The following POLD1 variants were observed in gnomAD, a reference collection of about 807,000 sequenced individuals.
POLD1 encodes the protein DNA polymerase delta catalytic subunit.
In POLD1, 79 loss-of-function variants were observed where a neutral mutation model predicts 129.7. The observed-to-expected ratio is 0.61, with a 90% confidence interval of 0.51 to 0.73. POLD1 has a LOEUF of 0.73. POLD1 is among the 30% of genes least tolerant of loss of function. The pLI, the probability that POLD1 is intolerant of heterozygous loss-of-function variation, is 0.00. For missense variants in POLD1, 1,338 were observed against 1,595.8 expected (o/e 0.84, Z 2.75); for synonymous variants, 714 against 683.3 (o/e 1.04, Z -0.70).
At position 50,417,928 on chromosome 19, in the gene POLD1, CT is replaced by C. The variant is rs1308248375; in HGVS notation, c.3306del (p.Gly1103AspfsTer21). 1 of 1,609,318 alleles carries C rather than the reference CT, an allele frequency of 6.2e-7. No individual in the cohort carries two copies. The highest frequency in any genetic ancestry group is 1.1e-5 in the South Asian group (1 of 90,232). On this transcript the variant is annotated frameshift_variant, in exon 27 of 27. Coordinates refer to ENST00000440232, the MANE Select transcript of POLD1 (RefSeq NM_002691.4). LOFTEE classifies it high-confidence loss of function. ...CAGCTCCTGCGGCGCTTCGGACCCC[CT>C]GGACCTGAGGCCTGGTGACCTTGCA... is the stretch of plus-strand genomic sequence containing the variant. ...QEQLLRRFGPPGPEAW is the reference protein window; with the variant it reads ...QEQLLRRFGPXGPEAW
intron 1 of POLD1, among the ~76,000 whole-genome samples, chr19:50,390,263 A>G (rs3219314): frequency 0.052 from 7,837 of 150,474 alleles, 696 homozygotes; most frequent in African/African-American, 0.18. Context: ...TACATGAAGT[A>G]AATTTATTAT....
Position 50,407,777 on chromosome 19 carries a change from G to A in POLD1, c.1775+362G>A, listed in dbSNP as rs1473333337. ...TTTTTAGTAGGGACGGGGTTTCACC[G>A]TGTTAGCCAGGATGGTCTCGATCTG... On this transcript the variant is annotated intron_variant, in intron 14 of 26. Coordinates refer to ENST00000440232, the MANE Select transcript of POLD1 (RefSeq NM_002691.4). 5.2e-5 allele frequency among the ~76,000 whole-genome samples: 7 copies of A among 135,710 alleles called. No homozygotes were observed. The East Asian group carries it at 8.7e-4, about 17-fold the overall frequency. 89.0% of individuals were successfully genotyped at this position (135,710 alleles called of 152,430 possible). A position where few individuals can be genotyped will look rare whatever the true frequency, so the allele number is the denominator to read the frequency against.
Position 50,406,975 on chromosome 19 carries a change from A to T in POLD1, c.1495-8A>T. On this transcript the variant is annotated splice_region_variant and splice_polypyrimidine_tract_variant and intron_variant, in intron 12 of 26. Transcript: ENST00000440232. This position sits in a 1 kb window ranked among gnomAD's most constrained non-coding sequence, Gnocchi z 5.5. Reference sequence around the variant, plus strand: ...CTGGTCCCTGACCCCATCCGTGCCCATCCCCAGAATGGGAACGACCAGACC... The same window carrying T: ...CTGGTCCCTGACCCCATCCGTGCCCTTCCCCAGAATGGGAACGACCAGACC... The T allele has an allele frequency of 7.6e-7, 1 of 1,320,812 alleles. No homozygotes were observed. 81.8% of individuals were successfully genotyped at this position (1,320,812 alleles called of 1,614,324 possible). A position where few individuals can be genotyped will look rare whatever the true frequency, so the allele number is the denominator to read the frequency against.
At chr19:50,385,040 C>G (rs1305591612) in intron 1 of POLD1, among the ~76,000 whole-genome samples, 4 of 152,058 alleles carry the variant, frequency 2.6e-5, no homozygotes, top group African/African-American at 9.7e-5. Context: ...GGAACTAGAT[C>G]CTATAGGGCC....
At chr19:50,415,067 C>T (rs1248013270) in intron 20 of POLD1, 77 bp downstream of exon 20, 1 of 1,308,564 alleles carries the variant, frequency 7.6e-7, no homozygotes, top group Admixed American at 3.0e-5. Context: ...GAGTCTAGGC[C>T]CCAGCCCCTC....
intron 1 of POLD1, among the ~76,000 whole-genome samples, chr19:50,386,685 G>A (rs2037982323): frequency 6.6e-6 from 1 of 152,210 alleles, no homozygotes. Flanking sequence ...CACTGCCTAA[G>A]GCCTCCTGGG....
In POLD1 at chr19:50,401,657, G is replaced by C. The variant is rs932002582; in HGVS notation, c.317-121G>C. On this transcript the variant is annotated intron_variant, in intron 3 of 26. Transcript: ENST00000440232. ...CAGGGGGGAGGCTGAAATGGACACA[G>C]GGAACGGTACAGGGGCAGGAGTGCC... 3.7e-6 allele frequency: 4 copies of C among 1,070,884 alleles called. No homozygotes were observed. In the African/African-American group the frequency reaches 4.7e-5, roughly 13 times the overall value. The allele number at this position is 1,070,884 out of a possible 1,614,324, so 66.3% of individuals were successfully genotyped here. A position where few individuals can be genotyped will look rare whatever the true frequency, so the allele number is the denominator to read the frequency against.
At chr19:50,390,126 C>A (rs1427800436) in intron 1 of POLD1, among the ~76,000 whole-genome samples, 1 of 151,954 alleles carries the variant, frequency 6.6e-6, no homozygotes, top group East Asian at 1.9e-4. Flanking sequence ...CCAGGCTGGT[C>A]TCAAACTCTT....
chr19:50,389,865 C>G (rs961701734), intron 1 of POLD1, among the ~76,000 whole-genome samples: 2 of 150,694 alleles, frequency 1.3e-5, no homozygotes. Context: ...GGATTACAGG[C>G]GTGAGCCACC....
intron 3 of POLD1, among the ~76,000 whole-genome samples, 169 bp downstream of exon 3, chr19:50,399,653 G>A (rs987129342): frequency 5.9e-5 from 9 of 152,212 alleles, no homozygotes; most frequent in Non-Finnish European, 1.0e-4. Flanking sequence ...GAACAGACCA[G>A]TGGGTGCCAG....
At position 50,416,384 on chromosome 19, in the gene POLD1, A is replaced by C; in HGVS notation, c.2821-12A>C. 1 of 1,548,126 alleles carries C rather than the reference A, an allele frequency of 6.5e-7. No individual in the cohort carries two copies. The highest frequency in any genetic ancestry group is 8.7e-7 in the Non-Finnish European group (1 of 1,146,756). ...CCCTGGCTGCCCGGGTGTGACTGCC[A>C]TGTGGCCGCAGGACCCGCTGTTCGT... On this transcript the variant is annotated splice_polypyrimidine_tract_variant and intron_variant, in intron 22 of 26. Transcript: ENST00000440232.
chr19:50,402,589 C>T (rs766248533), intron 7 of POLD1, 23 bp from the exon 8 acceptor site: 18 of 1,570,282 alleles, frequency 1.1e-5, no homozygotes, highest in Admixed American at 3.8e-5. Flanking sequence ...CTGCTGCCAC[C>T]GCTGACCCAC....
Position 50,417,867 on chromosome 19 carries a change from C to T in POLD1, c.3244C>T (p.Arg1082Cys), listed in dbSNP as rs1307047144. ...TSRDCPIFYM[R>C]KKVRKDLEDQ... ...CCGGGACTGCCCCATCTTCTACATG[C>T]GCAAGAAGGTGCGGAAGGACCTGGA... is the stretch of plus-strand genomic sequence containing the variant. Residue 1082 changes from arginine to cysteine, a missense_variant, in exon 27 of 27, where the codon CGC becomes TGC. Around this residue, in one of 3 missense-constraint regions of POLD1, gnomAD observed 286 missense variants for 277.5 expected, o/e 1.03. Coordinates refer to ENST00000440232, the MANE Select transcript of POLD1 (RefSeq NM_002691.4). The T allele has an allele frequency of 9.3e-6, 15 of 1,608,926 alleles. No individual in the cohort carries two copies. The highest frequency in any genetic ancestry group is 1.3e-5 in the Non-Finnish European group (15 of 1,177,770).
chr19:50,392,219 C>G (rs538898678), intron 1 of POLD1, among the ~76,000 whole-genome samples: 1 of 152,106 alleles, frequency 6.6e-6, no homozygotes, highest in South Asian at 2.1e-4. Flanking sequence ...TGTAGGTATG[C>G]ACCACCATGC....
At chr19:50,416,877 C>T (rs2039318163) in intron 24 of POLD1, 154 bp downstream of exon 24, 1 of 962,522 alleles carries the variant, frequency 1.0e-6, no homozygotes, top group South Asian at 1.7e-5. Context: ...CACAGAGGGT[C>T]CTCGGCCCCC....
intron 20 of POLD1, 64 bp from the exon 21 acceptor site, chr19:50,415,374 C>T (rs112580196): frequency 1.9e-5 from 29 of 1,525,046 alleles, no homozygotes; most frequent in African/African-American, 5.4e-5. Flanking sequence ...CCCTGAGACC[C>T]GTGGAGGCAC....
chr19:50,395,320 G>A (rs1017322995), intron 1 of POLD1, among the ~76,000 whole-genome samples: 1 of 151,668 alleles, frequency 6.6e-6, no homozygotes, highest in African/African-American at 2.4e-5. Context: ...TGTAGGCCGG[G>A]CGCGGTGGCT....
intron 8 of POLD1, 149 bp downstream of exon 8, chr19:50,402,890 G>A (rs2038714526): frequency 3.7e-6 from 5 of 1,349,026 alleles, no homozygotes; most frequent in Admixed American, 2.1e-5. Context: ...GAGCACAGAG[G>A]GTGTGGAGAT....
rs1233048674 is a variant in POLD1 at position 50,384,406 on chromosome 19, A to G, written c.-2+16A>G. 1.3e-5 allele frequency: 2 copies of G among 152,500 alleles called. No individual in the cohort carries two copies. Among genetic ancestry groups the G allele is most frequent in the Non-Finnish European group, 2.9e-5 (2 of 68,252 alleles). 9.4% of individuals were successfully genotyped at this position (152,500 alleles called of 1,614,324 possible). ...TTTGAAGCGGGTGAGTAGAGGGGAA[A>G]AAGGGAGTTCGGGGCAGTGGGCCTG... On this transcript the variant is annotated intron_variant, in intron 1 of 26. Transcript: ENST00000440232.
Sources: allele counts gnomAD v4.1 joint callset (sites outside exome capture counted in the v4.1 genomes callset), GRCh38; gene constraint gnomAD v4.1.1; regional missense constraint gnomAD v4.1.1; non-coding constraint Gnocchi (gnomAD v3.1); transcripts MANE v1.5; gene names NCBI Gene and HGNC (gene_info 2026-07-23, HGNC 2026-07-21).